Variants in TMEM232 observed in about 807,000 individuals in gnomAD.
TMEM232 encodes the protein transmembrane protein 232.
Under a neutral mutation model 78.8 loss-of-function variants are expected in TMEM232, and 80 were observed. The ratio of observed to expected loss-of-function variants is 1.01; its 90% CI spans 0.85 to 1.22. The LOEUF (loss-of-function observed/expected upper bound fraction) is 1.22. Among genes scored for constraint, TMEM232 ranks in the 50% most tolerant of loss-of-function variants. TMEM232 has a pLI of 0.00. For synonymous variants in TMEM232, 297 were observed against 254.3 expected (o/e 1.17, Z -1.60); for missense variants, 881 against 742.2 (o/e 1.19, Z -2.17).
chr5:110,407,756 G>C (rs2112577745), intron 2 of TMEM232, among the ~76,000 whole-genome samples: 1 of 152,158 alleles, frequency 6.6e-6, no homozygotes, highest in East Asian at 1.9e-4. Context: ...ACATTTTCCA[G>C]AAGAGACCAC....
intron 12 of TMEM232, among the ~76,000 whole-genome samples, chr5:110,447,927 A>G (rs1434651284): frequency 6.6e-6 from 1 of 152,150 alleles, no homozygotes; most frequent in Non-Finnish European, 1.5e-5. Context: ...TATTAAATCC[A>G]GTAATTATGA....
chr5:110,410,330 T>C (rs1333705686), intron 2 of TMEM232, among the ~76,000 whole-genome samples: 1 of 152,230 alleles, frequency 6.6e-6, no homozygotes, highest in Non-Finnish European at 1.5e-5. Flanking sequence ...TTTTGGCCTC[T>C]AGTTGCATCC....
At chr5:110,708,472 A>C (rs1353539569) in intron 1 of TMEM232, among the ~76,000 whole-genome samples, 1 of 152,194 alleles carries the variant, frequency 6.6e-6, no homozygotes, top group African/African-American at 2.4e-5. Context: ...ATGGTATGTA[A>C]ACTACTCTTA....
intron 12 of TMEM232, among the ~76,000 whole-genome samples, chr5:110,502,034 C>CT (rs1766317968): frequency 1.3e-5 from 2 of 151,912 alleles, no homozygotes; most frequent in African/African-American, 4.8e-5. Flanking sequence ...TAGCAAATAT[C>CT]TTTTTTCTAA....
chr5:110,645,160 A>G (rs957256556), intron 2 of TMEM232, among the ~76,000 whole-genome samples: 1 of 151,686 alleles, frequency 6.6e-6, no homozygotes, highest in Non-Finnish European at 1.5e-5. Flanking sequence ...TCAAAGATGA[A>G]TTACTACCAA....
intron 7 of TMEM232, among the ~76,000 whole-genome samples, chr5:110,622,299 G>C (rs538075055): frequency 6.6e-6 from 1 of 152,250 alleles, no homozygotes; most frequent in South Asian, 2.1e-4. Flanking sequence ...TGTAAACTCT[G>C]TCTTTGCTAG....
At chr5:110,466,809 G>T (rs1370726692) in intron 12 of TMEM232, among the ~76,000 whole-genome samples, 1 of 151,824 alleles carries the variant, frequency 6.6e-6, no homozygotes, top group Non-Finnish European at 1.5e-5. Context: ...TAGAGACGGG[G>T]TTTCGCTGTA....
At chr5:110,709,376 C>A (rs992807977) in intron 1 of TMEM232, among the ~76,000 whole-genome samples, 1 of 152,086 alleles carries the variant, frequency 6.6e-6, no homozygotes, top group Admixed American at 6.5e-5. Flanking sequence ...CACTATAGGA[C>A]AAATGGACCT....
chr5:110,700,380 T>C (rs1468251758), intron 1 of TMEM232, among the ~76,000 whole-genome samples: 2 of 151,984 alleles, frequency 1.3e-5, no homozygotes, highest in East Asian at 3.9e-4. Flanking sequence ...ACCAAATAAA[T>C]TGGGATTGCG....
At chr5:110,462,247 C>T (rs943330097) in intron 12 of TMEM232, among the ~76,000 whole-genome samples, 4 of 152,076 alleles carry the variant, frequency 2.6e-5, no homozygotes, top group East Asian at 3.9e-4. Flanking sequence ...CCAGCCTTTA[C>T]GGATAACTTT....
intron 6 of TMEM232, among the ~76,000 whole-genome samples, chr5:110,627,328 G>C (rs899993410): frequency 2.0e-5 from 3 of 151,856 alleles, no homozygotes; most frequent in African/African-American, 7.3e-5. Context: ...TCACAAAAAA[G>C]CTCATAAACT....
At chr5:110,681,962 T>C (rs1006831776) in intron 1 of TMEM232, among the ~76,000 whole-genome samples, 1 of 152,216 alleles carries the variant, frequency 6.6e-6, no homozygotes, top group African/African-American at 2.4e-5. Flanking sequence ...TAGTCTTTAG[T>C]AACCCCAGAC....
At chr5:110,470,806 AAC>A (rs1762586835) in intron 12 of TMEM232, among the ~76,000 whole-genome samples, 2 of 152,254 alleles carry the variant, frequency 1.3e-5, no homozygotes, top group Non-Finnish European at 2.9e-5. Context: ...CACAGACATC[AAC>A]ACAGAGACAC....
At chr5:110,686,781 C>T (rs551935370) in intron 1 of TMEM232, among the ~76,000 whole-genome samples, 3 of 152,008 alleles carry the variant, frequency 2.0e-5, no homozygotes, top group South Asian at 2.1e-4. Context: ...CTCTGATGTA[C>T]GAAAATAAAA....
chr5:110,693,520 A>G (rs2150235410), intron 1 of TMEM232, among the ~76,000 whole-genome samples: 1 of 152,322 alleles, frequency 6.6e-6, no homozygotes, highest in Non-Finnish European at 1.5e-5. Flanking sequence ...TAAAGGAGGA[A>G]GTTCCAACCA....
chr5:110,610,957 G>A (rs944675471), intron 8 of TMEM232, among the ~76,000 whole-genome samples: 1 of 152,056 alleles, frequency 6.6e-6, no homozygotes, highest in Non-Finnish European at 1.5e-5. Context: ...AGCTAAGAAA[G>A]AAATTAATAG....
intron 2 of TMEM232, among the ~76,000 whole-genome samples, chr5:110,645,576 C>T (rs1050238159): frequency 6.6e-6 from 1 of 151,068 alleles, no homozygotes; most frequent in African/African-American, 2.4e-5. Flanking sequence ...ATTTACTTTA[C>T]AGAATAAAGA....
At chr5:110,396,049 GA>G (rs1561453568) in intron 3 of TMEM232, among the ~76,000 whole-genome samples, 2 of 152,218 alleles carry the variant, frequency 1.3e-5, no homozygotes, top group African/African-American at 2.4e-5. Context: ...AATTTATAAA[GA>G]AAAAAGGTTT....
intron 7 of TMEM232, among the ~76,000 whole-genome samples, chr5:110,620,577 ATCTCTCTC>A (rs66736608): frequency 0.11 from 4,653 of 42,910 alleles, 533 homozygotes; most frequent in Middle Eastern, 0.15. Flanking sequence ...TGTCTCTCAT[ATCTCTCTC>A]TCTCTCTCTC....
Sources: allele counts gnomAD v4.1 joint callset (sites outside exome capture counted in the v4.1 genomes callset), GRCh38; gene constraint gnomAD v4.1.1; transcripts MANE v1.5; gene names NCBI Gene and HGNC (gene_info 2026-07-23, HGNC 2026-07-21).